GPR137B: variants seen among roughly 807,000 people sequenced by gnomAD.
GPR137B encodes the protein G protein-coupled receptor 137B, also known as integral membrane protein GPR137B.
Under a neutral mutation model 42.5 loss-of-function variants are expected in GPR137B, and 42 were observed. The ratio of observed to expected loss-of-function variants is 0.99; its 90% CI spans 0.77 to 1.28. GPR137B has a LOEUF of 1.28. Among genes scored for constraint, GPR137B ranks in the 50% most tolerant of loss-of-function variants. GPR137B has a pLI of 0.00. For missense variants in GPR137B, 487 were observed against 493.9 expected (o/e 0.99, Z 0.13); for synonymous variants, 218 against 209.7 (o/e 1.04, Z -0.34).
intron 5 of GPR137B, 30 bp from the exon 6 acceptor site, chr1:236,205,096 A>C (rs761664727): frequency 2.5e-6 from 4 of 1,597,976 alleles, no homozygotes; most frequent in Non-Finnish European, 3.4e-6. Flanking sequence ...GATGTCTGTA[A>C]GTATGCTGAA....
At position 236,150,802 on chromosome 1, in the gene GPR137B, A is replaced by C. The variant is rs1274457246; in HGVS notation, c.414+7766A>C. ...GTGACCAGCAGGGAGGCAGGGCCGG[A>C]GCACTGTCCTGAGGCTAGTGCAGGT... On this transcript the variant is annotated intron_variant, in intron 1 of 6. Transcript: ENST00000366592. This position sits in a 1 kb window ranked among gnomAD's most constrained non-coding sequence, Gnocchi z 6.2. Among the ~76,000 whole-genome samples the C allele has an allele frequency of 6.6e-6, 1 of 152,092 alleles. No individual in the cohort carries two copies. The highest frequency in any genetic ancestry group is 1.5e-5 in the Non-Finnish European group (1 of 68,014).
intron 5 of GPR137B, among the ~76,000 whole-genome samples, chr1:236,194,138 G>A (rs935060142): frequency 2.0e-5 from 3 of 152,158 alleles, no homozygotes; most frequent in African/African-American, 7.2e-5. Context: ...AGTCAGCCAT[G>A]CGATCATAGG....
chr1:236,157,776 A>G (rs1662075051), intron 1 of GPR137B, among the ~76,000 whole-genome samples: 1 of 152,184 alleles, frequency 6.6e-6, no homozygotes, highest in African/African-American at 2.4e-5. Flanking sequence ...AAAAAAATCC[A>G]TGTATAGATG....
intron 2 of GPR137B, among the ~76,000 whole-genome samples, chr1:236,177,264 G>A (rs550310169): frequency 3.7e-4 from 57 of 152,242 alleles, no homozygotes; most frequent in African/African-American, 1.3e-3. Flanking sequence ...ACCTGGGTGG[G>A]CTGGAACCAA....
At chr1:236,143,523 C>T (rs1290645833) in intron 1 of GPR137B, among the ~76,000 whole-genome samples, 1 of 152,212 alleles carries the variant, frequency 6.6e-6, no homozygotes, top group East Asian at 1.9e-4. Context: ...CAGGGTGAGA[C>T]CATGTTGGTT....
At position 236,166,484 on chromosome 1, in the gene GPR137B, T is replaced by TATATATATACATATATATATGTA; in HGVS notation, c.415-2222_415-2221insATATATATACATATATATATGTA. The stretch of plus-strand genomic sequence containing the variant: ...TATTAAATATATACATTATATATAT[T>TATATATATACATATATATATGTA]TATATATACATATATATATTTATAT... On this transcript the variant is annotated intron_variant, in intron 1 of 6. Coordinates refer to ENST00000366592, the MANE Select transcript of GPR137B (RefSeq NM_003272.4). Among the ~76,000 whole-genome samples, 3 of 139,582 alleles carry TATATATATACATATATATATGTA rather than the reference T, an allele frequency of 2.1e-5. No individual in the cohort carries two copies. In the South Asian group the frequency reaches 6.6e-4, roughly 31 times the overall value. 91.6% of individuals were successfully genotyped at this position (139,582 alleles called of 152,430 possible). A position where few individuals can be genotyped will look rare whatever the true frequency, so the allele number is the denominator to read the frequency against.
At chr1:236,145,919 G>T (rs1303297989) in intron 1 of GPR137B, among the ~76,000 whole-genome samples, 1 of 152,052 alleles carries the variant, frequency 6.6e-6, no homozygotes, top group Non-Finnish European at 1.5e-5. Context: ...TTGCTTTGTG[G>T]TGATCTGGGT....
intron 5 of GPR137B, among the ~76,000 whole-genome samples, chr1:236,191,316 TA>T (rs1663186029): frequency 6.6e-6 from 1 of 152,186 alleles, no homozygotes; most frequent in East Asian, 1.9e-4. Context: ...AGTTTATTAT[TA>T]CCCACCTTCT....
At chr1:236,186,328 TATA>T (rs1663037026) in intron 5 of GPR137B, among the ~76,000 whole-genome samples, 1 of 85,762 alleles carries the variant, frequency 1.2e-5, no homozygotes, top group South Asian at 3.1e-4. Context: ...ATAAATAATA[TATA>T]ATTATATATA....
At chr1:236,207,248 G>A (rs1180892512) in intron 6 of GPR137B, 2 of 985,202 alleles carry the variant, frequency 2.0e-6, no homozygotes, top group Middle Eastern at 5.2e-4. Context: ...GAAGAAAGCT[G>A]CCCAATGCGC....
chr1:236,190,730 GGTAACCC>G (rs1281356814), intron 5 of GPR137B, among the ~76,000 whole-genome samples: 1 of 152,138 alleles, frequency 6.6e-6, no homozygotes, highest in African/African-American at 2.4e-5. Flanking sequence ...TCCCTTTGTG[GGTAACCC>G]GACCTTTCTG....
intron 5 of GPR137B, among the ~76,000 whole-genome samples, chr1:236,197,491 T>G (rs1663372890): frequency 6.6e-6 from 1 of 152,194 alleles, no homozygotes; most frequent in Non-Finnish European, 1.5e-5. Context: ...TTTTTCTGAT[T>G]TATCTTCTAG....
intron 5 of GPR137B, among the ~76,000 whole-genome samples, chr1:236,196,841 T>G (rs1663353636): frequency 6.6e-6 from 1 of 152,242 alleles, no homozygotes. Flanking sequence ...CCATTTTTCT[T>G]TATCCACTAG....
intron 3 of GPR137B, 51 bp downstream of exon 3, chr1:236,178,687 A>G (rs763775201): frequency 1.7e-6 from 2 of 1,163,780 alleles, no homozygotes; most frequent in Non-Finnish European, 1.3e-6. Context: ...TTCTAAAAAG[A>G]GTTTCCTGGT....
At chr1:236,169,219 GGTA>G (rs1312555715) in intron 2 of GPR137B, among the ~76,000 whole-genome samples, 24 of 141,412 alleles carry the variant, frequency 1.7e-4, no homozygotes, top group African/African-American at 7.6e-4. Context: ...TGCAGGTACA[GGTA>G]CAGGTACAGG....
At chr1:236,178,708 A>G in intron 3 of GPR137B, 72 bp downstream of exon 3, 1 of 932,204 alleles carries the variant, frequency 1.1e-6, no homozygotes, top group Non-Finnish European at 1.7e-6. Context: ...TTGCAAAAGT[A>G]CATTTTGATG....
chr1:236,196,466 T>A (rs1254198), intron 5 of GPR137B, among the ~76,000 whole-genome samples: 55,284 of 151,750 alleles, frequency 0.36, 11,206 homozygotes, highest in East Asian at 0.61. Flanking sequence ...TTTAAATTTT[T>A]GTCTTAATTT....
rs74150315 is a variant in GPR137B at position 236,180,210 on chromosome 1, A to T, written c.837+182A>T. On this transcript the variant is annotated intron_variant, in intron 4 of 6. Coordinates refer to ENST00000366592, the MANE Select transcript of GPR137B (RefSeq NM_003272.4). ...TATACTTTAAATTAATCTCTAGATG[A>T]TTTACAATACCAAATACAACACAAA... 4.9e-3 allele frequency: 2,817 copies of T among 571,960 alleles called. 79 individuals carry two copies. The highest frequency in any genetic ancestry group is 0.048 in the African/African-American group (2,544 of 53,438). The allele number at this position is 571,960 out of a possible 1,614,324, so 35.4% of individuals were successfully genotyped here.
intron 4 of GPR137B, chr1:236,180,266 T>C (rs944455822): frequency 7.5e-6 from 3 of 402,204 alleles, no homozygotes; most frequent in Admixed American, 8.5e-5. Context: ...TACTACATTG[T>C]TTGAAAATTT....
Sources: allele counts gnomAD v4.1 joint callset (sites outside exome capture counted in the v4.1 genomes callset), GRCh38; gene constraint gnomAD v4.1.1; non-coding constraint Gnocchi (gnomAD v3.1); transcripts MANE v1.5; gene names NCBI Gene and HGNC (gene_info 2026-07-23, HGNC 2026-07-21).